The following RUNX3 variants were observed in gnomAD, a reference collection of about 807,000 sequenced individuals.
The protein encoded by RUNX3 is RUNX family transcription factor 3, also known as runt-related transcription factor 3.
Under a neutral mutation model 27.7 loss-of-function variants are expected in RUNX3, and 10 were observed. That is an observed-to-expected ratio of 0.36 (90% CI 0.22 to 0.61). RUNX3 has a LOEUF of 0.61. RUNX3 is among the 20% of genes least tolerant of loss of function. RUNX3 has a pLI of 0.72. For synonymous variants in RUNX3, 270 were observed against 269.2 expected (o/e 1.00, Z -0.03); for missense variants, 469 against 629.5 (o/e 0.75, Z 2.73).
At chr1:24,944,175 T>G (rs1320782019) in intron 2 of RUNX3, among the ~76,000 whole-genome samples, 3 of 152,040 alleles carry the variant, frequency 2.0e-5, no homozygotes, top group African/African-American at 7.3e-5. Flanking sequence ...AGAGAGCTGA[T>G]TCTCCCCTTC....
chr1:24,907,099 A>G (rs922117001), intron 4 of RUNX3, among the ~76,000 whole-genome samples, 160 bp downstream of exon 4: 1 of 152,240 alleles, frequency 6.6e-6, no homozygotes, highest in African/African-American at 2.4e-5. Flanking sequence ...AGCCCACAGG[A>G]ACCGTCTGCA....
chr1:24,938,580 A>G (rs1017711777), intron 2 of RUNX3, among the ~76,000 whole-genome samples: 2 of 152,202 alleles, frequency 1.3e-5, no homozygotes, highest in Non-Finnish European at 2.9e-5. Flanking sequence ...AATCACAGCT[A>G]AGAGTCCTTG....
intron 2 of RUNX3, among the ~76,000 whole-genome samples, chr1:24,939,862 G>A (rs937547370): frequency 6.6e-6 from 1 of 152,250 alleles, no homozygotes; most frequent in African/African-American, 2.4e-5. Context: ...GAAGGGCAGG[G>A]CACTAGCCTA....
upstream of RUNX3, among the ~76,000 whole-genome samples, chr1:24,933,675 G>A (rs1329203855): frequency 2.0e-5 from 3 of 152,182 alleles, no homozygotes; most frequent in Non-Finnish European, 4.4e-5. Flanking sequence ...GCTGGGTCTC[G>A]ATGATTGCCT....
At chr1:24,928,802 G>C (rs1272217510) in intron 1 of RUNX3, 1 of 336,064 alleles carries the variant, frequency 3.0e-6, no homozygotes, top group Non-Finnish European at 5.8e-6. Context: ...GAGCAGGGAC[G>C]GCCTCAGCTT....
At chr1:24,956,132 G>A (rs1641916697) in intron 2 of RUNX3, among the ~76,000 whole-genome samples, 1 of 152,252 alleles carries the variant, frequency 6.6e-6, no homozygotes, top group South Asian at 2.1e-4. Context: ...GACAGACACA[G>A]TGATTTGGGA....
intron 2 of RUNX3, among the ~76,000 whole-genome samples, chr1:24,952,482 T>C (rs948836635): frequency 2.0e-5 from 3 of 152,384 alleles, no homozygotes; most frequent in Admixed American, 6.5e-5. Flanking sequence ...CCAATCTTGT[T>C]TGACCACAGA....
chr1:24,908,147 C>CTGAT (rs1210693842), intron 3 of RUNX3, among the ~76,000 whole-genome samples: 23 of 132,194 alleles, frequency 1.7e-4, no homozygotes, highest in African/African-American at 7.7e-4. Flanking sequence ...ACGCGGTGAT[C>CTGAT]CGAACCTCTA....
At chr1:24,952,060 A>G (rs1414546720) in intron 2 of RUNX3, among the ~76,000 whole-genome samples, 14 of 152,220 alleles carry the variant, frequency 9.2e-5, no homozygotes. Flanking sequence ...GTTTACTGCT[A>G]ATGGAACTAT....
At chr1:24,926,142 C>T (rs528969921) in intron 2 of RUNX3, among the ~76,000 whole-genome samples, 16 of 152,320 alleles carry the variant, frequency 1.1e-4, no homozygotes, top group African/African-American at 3.8e-4. Flanking sequence ...CTGACACATA[C>T]CTGGGCTAGC....
At chr1:24,912,606 G>A (rs1471353591) in intron 3 of RUNX3, among the ~76,000 whole-genome samples, 2 of 152,028 alleles carry the variant, frequency 1.3e-5, no homozygotes, top group Non-Finnish European at 2.9e-5. Context: ...CTTGCTGGGT[G>A]CTTCCTCCAC....
Position 24,927,992 on chromosome 1 carries a change from C to T in RUNX3, c.283-262G>A, listed in dbSNP as rs1461034661. On this transcript the variant is annotated intron_variant, in intron 1 of 4. Coordinates refer to ENST00000308873, the MANE Select transcript of RUNX3 (RefSeq NM_004350.3). This position sits in a 1 kb window ranked among gnomAD's most constrained non-coding sequence, Gnocchi z 5.0. ...CATAAACTGTGTCCCAAGAAATCAT[C>T]CTTTCAATGAAATCTAAGCCAGAGC... Among the ~76,000 whole-genome samples the T allele has an allele frequency of 6.6e-6, 1 of 152,222 alleles. No individual in the cohort carries two copies. The highest frequency in any genetic ancestry group is 1.5e-5 in the Non-Finnish European group (1 of 68,030).
intron 2 of RUNX3, among the ~76,000 whole-genome samples, chr1:24,937,644 T>G (rs1641379397): frequency 6.6e-6 from 1 of 152,232 alleles, no homozygotes; most frequent in African/African-American, 2.4e-5. Context: ...CTGCATTATT[T>G]CATCTTCACC....
chr1:24,921,222 C>T (rs1640994200), intron 2 of RUNX3, among the ~76,000 whole-genome samples: 1 of 152,194 alleles, frequency 6.6e-6, no homozygotes. Context: ...CAGTATCTCA[C>T]AGTTCTCTTT....
chr1:24,912,902 C>A (rs903716784), intron 3 of RUNX3, among the ~76,000 whole-genome samples: 1 of 152,116 alleles, frequency 6.6e-6, no homozygotes, highest in Non-Finnish European at 1.5e-5. Flanking sequence ...CAGCCCCAGG[C>A]CCAGAGCTGC....
intron 1 of RUNX3, chr1:24,964,683 AGG>A (rs146887912): frequency 1.3e-6 from 2 of 1,513,012 alleles, no homozygotes; most frequent in Non-Finnish European, 1.8e-6. Flanking sequence ...TGAAAATAAA[AGG>A]GGGGGGTGTT....
At chr1:24,932,273 C>T (rs993564877), upstream of RUNX3, among the ~76,000 whole-genome samples, 1 of 150,688 alleles carries the variant, frequency 6.6e-6, no homozygotes, top group African/African-American at 2.4e-5. Flanking sequence ...GGCTCCGGCT[C>T]TCCGTAGGGC....
chr1:24,942,913 G>T (rs1408839698), intron 2 of RUNX3, among the ~76,000 whole-genome samples: 1 of 152,246 alleles, frequency 6.6e-6, no homozygotes, highest in Non-Finnish European at 1.5e-5. Flanking sequence ...GTCCAGGCAG[G>T]CTGCAGCCAC....
rs116010861 is a variant in RUNX3 at position 24,900,495 on chromosome 1, G to A, written c.*1627C>T. The A allele has an allele frequency of 0.012, 1,850 of 152,504 alleles. 18 individuals are homozygous for A. The highest frequency in any genetic ancestry group is 0.017 in the Non-Finnish European group (1,147 of 68,034). The allele number at this position is 152,504 out of a possible 1,614,324, so 9.4% of individuals were successfully genotyped here. On this transcript the variant is annotated 3_prime_UTR_variant, in exon 5 of 5. Transcript: ENST00000308873. ...CCTTTTCTAAGCCTTTCTAGGGCCA[G>A]AGAACTCTGATGTGAGAATCCATGC...
Sources: allele counts gnomAD v4.1 joint callset (sites outside exome capture counted in the v4.1 genomes callset), GRCh38; gene constraint gnomAD v4.1.1; non-coding constraint Gnocchi (gnomAD v3.1); transcripts MANE v1.5; gene names NCBI Gene and HGNC (gene_info 2026-07-23, HGNC 2026-07-21).